The following EYA2 variants were observed in gnomAD, a reference collection of about 807,000 sequenced individuals.
EYA2 encodes the protein protein phosphatase EYA2.
A neutral mutation model predicts 69.2 loss-of-function variants in EYA2; 31 were observed. The observed-to-expected ratio is 0.45, with a 90% CI of 0.34 to 0.60. EYA2 has a LOEUF of 0.60. Among genes scored for constraint, EYA2 ranks in the 20% least tolerant of loss-of-function variants. EYA2 has a pLI of 0.02. For synonymous variants in EYA2, 257 were observed against 279.4 expected, an observed-to-expected ratio of 0.92 and a Z score of 0.80; for missense variants, 622 against 701.2, an observed-to-expected ratio of 0.89 and a Z score of 1.28.
chr20:46,905,211 G>T (rs1277361221), intron 1 of EYA2, among the ~76,000 whole-genome samples: 3 of 151,824 alleles, frequency 2.0e-5, no homozygotes, highest in African/African-American at 7.3e-5. Flanking sequence ...AAAAATACAT[G>T]ATATACATGT....
chr20:47,007,617 T>G (rs1464170991), intron 4 of EYA2, among the ~76,000 whole-genome samples: 1 of 151,900 alleles, frequency 6.6e-6, no homozygotes, highest in Non-Finnish European at 1.5e-5. Flanking sequence ...ATTTTATTCT[T>G]ATTTTTATTA....
rs576102120 is a variant in EYA2, at chr20:47,031,249, C to T, written c.415+14952C>T. ...AGAGCCAGCCATGGGTCACAAGTGT[C>T]GCCAGCAGATAGGAGGCCAAGTGGC... On this transcript the variant is annotated intron_variant, in intron 5 of 15. Coordinates refer to ENST00000327619, the MANE Select transcript of EYA2 (RefSeq NM_005244.5). Among the ~76,000 whole-genome samples the T allele has an allele frequency of 6.2e-4, 95 of 152,134 alleles. 1 individual carries two copies. Among genetic ancestry groups the T allele is most frequent in the African/African-American group, 2.0e-3 (81 of 41,512 alleles).
chr20:46,970,368 C>G (rs1980065306), intron 1 of EYA2, among the ~76,000 whole-genome samples: 1 of 151,918 alleles, frequency 6.6e-6, no homozygotes, highest in Admixed American at 6.6e-5. Context: ...TGATGTTGAC[C>G]CCAGGGGACA....
rs571231038 is a variant in EYA2, at chr20:47,106,512, C to T, written c.888+9344C>T. Among the ~76,000 whole-genome samples, 3 of 152,104 alleles carry T rather than the reference C, an allele frequency of 2.0e-5. No individual in the cohort carries two copies. In the South Asian group the frequency reaches 6.2e-4, roughly 31 times the overall value. ...TTATATCAGACTTCCAGGGAGCTCACAAAGCACCCAGGGATTGGGTGAGAG... is the reference window on the plus strand; with the variant it reads ...TTATATCAGACTTCCAGGGAGCTCATAAAGCACCCAGGGATTGGGTGAGAG... On this transcript the variant is annotated intron_variant, in intron 9 of 15. Transcript: ENST00000327619.
intron 2 of EYA2, among the ~76,000 whole-genome samples, chr20:46,993,392 T>C (rs1981812586): frequency 6.6e-6 from 1 of 152,198 alleles, no homozygotes; most frequent in Non-Finnish European, 1.5e-5. Context: ...TTGCTTTAAC[T>C]GAGAAGCATG....
chr20:47,127,331 C>T (rs1056464000), intron 9 of EYA2, among the ~76,000 whole-genome samples: 3 of 152,088 alleles, frequency 2.0e-5, no homozygotes, highest in African/African-American at 7.2e-5. Context: ...TGGCCAAGCT[C>T]GGTGGCTCAT....
chr20:47,108,106 G>T (rs572997663), intron 9 of EYA2, among the ~76,000 whole-genome samples: 5 of 152,290 alleles, frequency 3.3e-5, no homozygotes, highest in African/African-American at 4.8e-5. Flanking sequence ...GGAGTAGAAG[G>T]ACAGAGTCTG....
chr20:46,936,499 A>G (rs946063206), intron 1 of EYA2, among the ~76,000 whole-genome samples: 1 of 152,204 alleles, frequency 6.6e-6, no homozygotes, highest in African/African-American at 2.4e-5. Flanking sequence ...AATAGCCCTT[A>G]TTAAATGGCT....
chr20:47,001,418 T>A lies in EYA2; in HGVS notation c.110-10T>A, dbSNP rs1259418508. 2 of 1,613,916 alleles carry A rather than the reference T, an allele frequency of 1.2e-6. No individual in the cohort carries two copies. The highest frequency in any genetic ancestry group is 8.5e-7 in the Non-Finnish European group (1 of 1,179,922). On this transcript the variant is annotated splice_polypyrimidine_tract_variant and intron_variant, in intron 2 of 15. Transcript: ENST00000327619. The stretch of plus-strand genomic sequence containing the variant: ...CTAAAACTCTTCCAATTTTTCTTTT[T>A]CTCCTGCAGGCATCACCAAATCGGC...
intron 5 of EYA2, among the ~76,000 whole-genome samples, chr20:47,060,650 G>T (rs1392868374): frequency 2.0e-5 from 3 of 152,184 alleles, no homozygotes; most frequent in African/African-American, 7.2e-5. Flanking sequence ...ATACAGCTTG[G>T]CATTCCAGTT....
chr20:47,105,007 C>G (rs1224421534), intron 9 of EYA2, among the ~76,000 whole-genome samples: 2 of 152,154 alleles, frequency 1.3e-5, no homozygotes, highest in Non-Finnish European at 2.9e-5. Flanking sequence ...GGCGACAGAG[C>G]CAGACTCTAT....
chr20:46,900,659 G>A lies in EYA2; in HGVS notation c.-11+5672G>A, dbSNP rs146485930. 5.0e-3 allele frequency among the ~76,000 whole-genome samples: 763 copies of A among 152,296 alleles called. 12 individuals carry two copies. Among genetic ancestry groups the A allele is most frequent in the African/African-American group, 0.018 (733 of 41,560 alleles). ...TGACTTATGTCAAAAAGCCCCCTTA[G>A]CCAGTTCTCTCATACTCCGTTACCA... On this transcript the variant is annotated intron_variant, in intron 1 of 15. Transcript: ENST00000327619.
At chr20:47,047,396 C>CTCTTTTTTTTTTT (rs1555816932) in intron 5 of EYA2, among the ~76,000 whole-genome samples, 3 of 148,214 alleles carry the variant, frequency 2.0e-5, no homozygotes, top group African/African-American at 5.0e-5. Context: ...CTCTCTCTCT[C>CTCTTTTTTTTTTT]TTTTTTTTGA....
intron 1 of EYA2, among the ~76,000 whole-genome samples, chr20:46,931,820 G>A (rs533098317): frequency 2.0e-5 from 3 of 152,056 alleles, no homozygotes; most frequent in South Asian, 2.1e-4. Context: ...TGGCTTGAGC[G>A]TCCAGAGGAG....
intron 1 of EYA2, among the ~76,000 whole-genome samples, chr20:46,898,550 A>T (rs771665383): frequency 6.6e-6 from 1 of 152,166 alleles, no homozygotes; most frequent in African/African-American, 2.4e-5. Context: ...TAAACATACA[A>T]AACAAAAAGA....
chr20:47,101,044 C>G (rs1051815457), intron 9 of EYA2, among the ~76,000 whole-genome samples: 1 of 152,130 alleles, frequency 6.6e-6, no homozygotes, highest in African/African-American at 2.4e-5. Context: ...ACTTGCCCCT[C>G]TCTTTTGATA....
intron 1 of EYA2, among the ~76,000 whole-genome samples, chr20:46,949,010 T>C (rs1978642120): frequency 6.6e-6 from 1 of 152,230 alleles, no homozygotes; most frequent in South Asian, 2.1e-4. Context: ...GTTACTCGCA[T>C]TGTACAGATG....
chr20:47,071,471 G>A (rs2031313131), intron 5 of EYA2, among the ~76,000 whole-genome samples: 1 of 151,806 alleles, frequency 6.6e-6, no homozygotes, highest in African/African-American at 2.4e-5. Context: ...AAACAGTTTG[G>A]CCATTTCTTT....
intron 1 of EYA2, among the ~76,000 whole-genome samples, chr20:46,970,973 G>A (rs1056838393): frequency 6.6e-6 from 1 of 152,124 alleles, no homozygotes; most frequent in East Asian, 1.9e-4. Context: ...GAGTGGAAAT[G>A]GGGCAGGACT....
Sources: allele counts gnomAD v4.1 joint callset (sites outside exome capture counted in the v4.1 genomes callset), GRCh38; gene constraint gnomAD v4.1.1; transcripts MANE v1.5; gene names NCBI Gene and HGNC (gene_info 2026-07-23, HGNC 2026-07-21).